Variants in UBR3 observed in about 807,000 individuals in gnomAD.
UBR3 encodes the protein E3 ubiquitin-protein ligase UBR3.
A neutral mutation model predicts 243.2 loss-of-function variants in UBR3; 85 were observed. The ratio of observed to expected loss-of-function variants is 0.35; its 90% confidence interval spans 0.29 to 0.42. The LOEUF (loss-of-function observed/expected upper bound fraction) is 0.42. Ranked by LOEUF, UBR3 falls within the 10% of genes least tolerant of loss-of-function variation. The pLI is 1.00. For missense variants in UBR3, 1,686 were observed against 2,300.8 expected (o/e 0.73, Z 5.47); for synonymous variants, 748 against 799.8 (o/e 0.94, Z 1.09).
Position 169,928,818 on chromosome 2 carries a change from C to T in UBR3, c.2516C>T (p.Pro839Leu). ...TCAGCTGTAGCTGATTTTAAGGCTC[C>T]TGTTTTTGAACCTGGAGGTTCTATG... The part of the protein sequence containing the change: ...VLSAVADFKA[P>L]VFEPGGSMQQ... The change falls in exon 18 of 39, where the codon CCT (proline) becomes CTT (leucine). Residue 839 changes from proline to leucine, a missense_variant. By Grantham distance (98) the Pro-to-Leu change is moderately conservative (BLOSUM62 -3). This residue lies in a region of UBR3 where 346 missense variants were observed against 585.8 expected (regional missense o/e 0.59). Coordinates refer to ENST00000272793, the MANE Select transcript of UBR3 (RefSeq NM_172070.4). 1.3e-6 allele frequency: 2 copies of T among 1,505,456 alleles called. No individual in the cohort carries two copies. The highest frequency in any genetic ancestry group is 1.8e-6 in the Non-Finnish European group (2 of 1,114,874). 93.3% of individuals were successfully genotyped at this position (1,505,456 alleles called of 1,614,324 possible). A position where few individuals can be genotyped will look rare whatever the true frequency, so the allele number is the denominator to read the frequency against.
At chr2:169,861,166 G>C (rs781507604) in intron 1 of UBR3, among the ~76,000 whole-genome samples, 18 of 152,176 alleles carry the variant, frequency 1.2e-4, no homozygotes, top group Non-Finnish European at 2.4e-4. Context: ...CCAGTCCACT[G>C]ACTCAAATGT....
chr2:170,068,907 A>G (rs942432462), intron 35 of UBR3, among the ~76,000 whole-genome samples: 1 of 152,222 alleles, frequency 6.6e-6, no homozygotes, highest in Admixed American at 6.5e-5. Flanking sequence ...AAACTGACTC[A>G]AGAAGAAATA....
In UBR3 at chr2:170,012,688, T is replaced by TC. The variant is rs397768534; in HGVS notation, c.4368-2588dup. On this transcript the variant is annotated intron_variant, in intron 29 of 38. Coordinates refer to ENST00000272793, the MANE Select transcript of UBR3 (RefSeq NM_172070.4). ...GAAGATACTGGTTTTTTTTTTTTTT[T>TC]CCCCCTGAGAAATTGAGTAACTTGC... 3.9e-3 allele frequency among the ~76,000 whole-genome samples: 588 copies of TC among 150,910 alleles called. 2 individuals are homozygous for TC. The highest frequency in any genetic ancestry group is 6.3e-3 in the Non-Finnish European group (425 of 67,656).
intron 1 of UBR3, among the ~76,000 whole-genome samples, chr2:169,831,127 A>ATAT (rs1450878762): frequency 1.4e-4 from 8 of 56,468 alleles, no homozygotes; most frequent in East Asian, 9.0e-4. Context: ...ATATATATAT[A>ATAT]TTTTTTTTTT....
At chr2:169,850,025 T>TG (rs776549360) in intron 1 of UBR3, among the ~76,000 whole-genome samples, 2 of 152,094 alleles carry the variant, frequency 1.3e-5, no homozygotes, top group Non-Finnish European at 2.9e-5. Context: ...AGTTTTGTAG[T>TG]GGGCACACTT....
chr2:170,077,971 T>C (rs2091845099), intron 36 of UBR3: 1 of 600,810 alleles, frequency 1.7e-6, no homozygotes, highest in East Asian at 3.5e-5. Context: ...TGCTTTCTCT[T>C]TTCATTTCGG....
intron 30 of UBR3, among the ~76,000 whole-genome samples, chr2:170,021,222 A>G (rs868305088): frequency 6.6e-6 from 1 of 152,098 alleles, no homozygotes; most frequent in Admixed American, 6.6e-5. Flanking sequence ...ATAATTGTCA[A>G]ATTGGGGGGT....
At chr2:169,928,933 T>C (rs2086011605) in intron 18 of UBR3, 65 bp downstream of exon 18, 3 of 1,247,504 alleles carry the variant, frequency 2.4e-6, no homozygotes, top group South Asian at 5.7e-5. Context: ...TTCTTCTGTG[T>C]ATTAAAAGAA....
chr2:169,861,044 T>C (rs1349339241), intron 1 of UBR3, among the ~76,000 whole-genome samples: 4 of 152,202 alleles, frequency 2.6e-5, no homozygotes, highest in African/African-American at 9.6e-5. Context: ...AAAGATGAAG[T>C]CTGGAAGACT....
chr2:170,028,866 T>G (rs2090600313), intron 30 of UBR3, among the ~76,000 whole-genome samples: 1 of 151,862 alleles, frequency 6.6e-6, no homozygotes, highest in Non-Finnish European at 1.5e-5. Flanking sequence ...TTATGTAGAA[T>G]CCAAAGATGA....
At chr2:169,851,518 A>G (rs2082656023) in intron 1 of UBR3, among the ~76,000 whole-genome samples, 1 of 152,168 alleles carries the variant, frequency 6.6e-6, no homozygotes, top group South Asian at 2.1e-4. Flanking sequence ...TGAGGTAGAT[A>G]TTATTGTCCT....
chr2:169,836,068 T>TATATA (rs1558999189), intron 1 of UBR3, among the ~76,000 whole-genome samples: 22 of 29,728 alleles, frequency 7.4e-4, no homozygotes, highest in African/African-American at 1.0e-3. Context: ...TATATATATA[T>TATATA]TTTTTTTTTT....
In UBR3 at chr2:169,849,122, G is replaced by A. The variant is rs199673003; in HGVS notation, c.545+21070G>A. On this transcript the variant is annotated intron_variant, in intron 1 of 38. Coordinates refer to ENST00000272793, the MANE Select transcript of UBR3 (RefSeq NM_172070.4). ...GGGCTCCAGAGTCGGCCACTTGTCC[G>A]TTCACAGATGAGGAGAGGTCTTTCA... Among the ~76,000 whole-genome samples, 23 of 152,322 alleles carry A rather than the reference G, an allele frequency of 1.5e-4. No homozygotes were observed. The East Asian group carries it at 2.9e-3, about 19-fold the overall frequency.
intron 31 of UBR3, among the ~76,000 whole-genome samples, chr2:170,032,912 C>T (rs185689073): frequency 1.3e-5 from 2 of 151,936 alleles, no homozygotes; most frequent in Non-Finnish European, 2.9e-5. Context: ...TATCTTGCTA[C>T]TCTTCATAAA....
intron 9 of UBR3, among the ~76,000 whole-genome samples, 182 bp from the exon 10 acceptor site, chr2:169,905,849 G>A (rs948796656): frequency 3.3e-5 from 5 of 152,178 alleles, no homozygotes; most frequent in African/African-American, 7.2e-5. Flanking sequence ...AACCTAGTTT[G>A]TAAAAAATTC....
chr2:169,991,168 C>G (rs932404227), intron 25 of UBR3, among the ~76,000 whole-genome samples: 3 of 152,098 alleles, frequency 2.0e-5, no homozygotes, highest in Admixed American at 2.0e-4. Context: ...GTATTATAAA[C>G]ATATATGCTC....
intron 23 of UBR3, among the ~76,000 whole-genome samples, chr2:169,955,760 C>T (rs2087253249): frequency 8.1e-6 from 1 of 124,186 alleles, no homozygotes; most frequent in Non-Finnish European, 1.6e-5. Context: ...TGCCACTGCA[C>T]TCCAGCTTGG....
intron 33 of UBR3, among the ~76,000 whole-genome samples, chr2:170,060,284 T>C (rs2091431057): frequency 6.6e-6 from 1 of 152,168 alleles, no homozygotes; most frequent in Non-Finnish European, 1.5e-5. Flanking sequence ...TATAAAGATC[T>C]TATTGACATA....
chr2:169,895,419 TAA>T, intron 7 of UBR3, 108 bp downstream of exon 7: 1 of 1,199,302 alleles, frequency 8.3e-7, no homozygotes, highest in South Asian at 1.5e-5. Context: ...TATAACACTA[TAA>T]ACAAGTGTTA....
Sources: allele counts gnomAD v4.1 joint callset (sites outside exome capture counted in the v4.1 genomes callset), GRCh38; gene constraint gnomAD v4.1.1; regional missense constraint gnomAD v4.1.1; transcripts MANE v1.5; gene names NCBI Gene and HGNC (gene_info 2026-07-23, HGNC 2026-07-21).